Variants in ACOX1 observed in about 807,000 individuals in gnomAD.
ACOX1 encodes the protein peroxisomal acyl-coenzyme A oxidase 1.
A neutral mutation model predicts 75.5 loss-of-function variants in ACOX1; 41 were observed. That is an observed-to-expected ratio of 0.54 (90% CI 0.42 to 0.70). ACOX1 has a LOEUF of 0.70. Ranked by LOEUF, ACOX1 falls within the 30% of genes least tolerant of loss-of-function variation. The probability of loss-of-function intolerance (pLI) is 0.00; values close to 1 mark genes in which losing one functional copy is unlikely to be tolerated. For synonymous variants in ACOX1, 303 were observed against 298.8 expected (o/e 1.01, Z -0.15); for missense variants, 630 against 837.5 (o/e 0.75, Z 3.06).
chr17:75,953,477 C>A lies in ACOX1; in HGVS notation c.918G>T (p.Val306=). ...ACTIAIRYSA[V]RHQSEIKPGE... is the part of the protein sequence containing the mutation. ...CTGGCTTGATTTCAGACTGGTGCCT[C>A]ACAGCGCTGTATCGGATGGCAATGG... is the stretch of plus-strand genomic sequence containing the variant. Residue 306 remains valine (V), a synonymous_variant, in exon 7 of 14, where the codon GTG becomes GTT. Transcript: ENST00000293217. The A allele has an allele frequency of 6.2e-7, 1 of 1,614,056 alleles. No homozygotes were observed. The highest frequency in any genetic ancestry group is 8.5e-7 in the Non-Finnish European group (1 of 1,179,970).
At chr17:75,966,718 TGAATCCA>T (rs1412603562) in intron 2 of ACOX1, among the ~76,000 whole-genome samples, 1 of 152,010 alleles carries the variant, frequency 6.6e-6, no homozygotes, top group African/African-American at 2.4e-5. Context: ...TAGAATCGCT[TGAATCCA>T]GGAGGCAGAG....
At chr17:75,973,593 G>A (rs1467564186) in intron 2 of ACOX1, 4 of 1,612,678 alleles carry the variant, frequency 2.5e-6, no homozygotes, top group Non-Finnish European at 8.5e-7. Flanking sequence ...GTCCTGAGGT[G>A]GGTTACCCAC....
rs1567871330 is a variant in ACOX1 at position 75,946,778 on chromosome 17, C to T, written c.1953G>A (p.Lys651=). The change falls in exon 14 of 14, where the codon AAG becomes AAA. Residue 651 remains lysine (K), a synonymous_variant. Transcript: ENST00000293217. The part of the protein sequence containing the change: ...LNKAEVHESY[K]HLKSLQSKL ...GCTTGGACTGCAGTGACTTCAGGTGCTTGTAAGATTCGTGGACCTGTGGGG... is the reference window on the plus strand; with the variant it reads ...GCTTGGACTGCAGTGACTTCAGGTGTTTGTAAGATTCGTGGACCTGTGGGG... 2 of 1,613,932 alleles carry T rather than the reference C, an allele frequency of 1.2e-6. No individual in the cohort carries two copies. Among genetic ancestry groups the T allele is most frequent in the Non-Finnish European group, 1.7e-6 (2 of 1,179,888 alleles).
At chr17:75,963,241 G>A (rs1305327563) in intron 2 of ACOX1, among the ~76,000 whole-genome samples, 1 of 152,036 alleles carries the variant, frequency 6.6e-6, no homozygotes, top group Admixed American at 6.6e-5. Context: ...TCACTATTTG[G>A]GCAATGGGTA....
rs533127739 is a variant in ACOX1, at chr17:75,946,781, G to A, written c.1950C>T (p.Tyr650=). ...PLNKAEVHES[Y]KHLKSLQSKL The stretch of plus-strand genomic sequence containing the variant: ...TGGACTGCAGTGACTTCAGGTGCTT[G>A]TAAGATTCGTGGACCTGTGGGGAAA... The change falls in exon 14 of 14, where the codon TAC becomes TAT. Residue 650 remains tyrosine, a synonymous_variant. Transcript: ENST00000293217. 1.2e-6 allele frequency: 2 copies of A among 1,613,874 alleles called. No individual in the cohort carries two copies. The highest frequency in any genetic ancestry group is 2.2e-5 in the East Asian group (1 of 44,878).
In ACOX1 at chr17:75,957,004, T is replaced by TAC. The variant is rs1320194480; in HGVS notation, c.538+454_538+455insGT. 6.1e-3 allele frequency among the ~76,000 whole-genome samples: 584 copies of TAC among 95,334 alleles called. 21 individuals are homozygous for TAC. The highest frequency in any genetic ancestry group is 8.3e-3 in the African/African-American group (207 of 24,918). 62.5% of individuals were successfully genotyped at this position (95,334 alleles called of 152,430 possible). A position where few individuals can be genotyped will look rare whatever the true frequency, so the allele number is the denominator to read the frequency against. ...ATATATATATATATATATATATATA[T>TAC]ATATACACACACACACCTCTCTCTG... On this transcript the variant is annotated intron_variant, in intron 4 of 13. Transcript: ENST00000293217.
chr17:75,951,665 A>G, intron 7 of ACOX1, 88 bp from the exon 8 acceptor site: 1 of 1,348,572 alleles, frequency 7.4e-7, no homozygotes, highest in Non-Finnish European at 1.1e-6. Context: ...AGCACTTGGT[A>G]TTTTAACTTA....
intron 2 of ACOX1, among the ~76,000 whole-genome samples, chr17:75,964,802 A>T (rs925373239): frequency 6.6e-6 from 1 of 152,196 alleles, no homozygotes; most frequent in Admixed American, 6.6e-5. Flanking sequence ...GAAGGGCTAG[A>T]GTCAGCTCTT....
At chr17:75,962,819 T>C (rs1241528174) in intron 2 of ACOX1, among the ~76,000 whole-genome samples, 4 of 152,046 alleles carry the variant, frequency 2.6e-5, no homozygotes, top group East Asian at 1.9e-4. Context: ...GGGTAAAACA[T>C]GGACATGCAG....
chr17:75,947,249 T>TG (rs66681465), intron 13 of ACOX1, among the ~76,000 whole-genome samples: 1 of 52,572 alleles, frequency 1.9e-5, no homozygotes, highest in African/African-American at 1.8e-4. Context: ...GATGTCTTAG[T>TG]TTTTTTTTTT....
At position 75,956,989 on chromosome 17, in the gene ACOX1, A is replaced by C. The variant is rs1318293995; in HGVS notation, c.538+470T>G. On this transcript the variant is annotated intron_variant, in intron 4 of 13. Coordinates refer to ENST00000293217, the MANE Select transcript of ACOX1 (RefSeq NM_004035.7). ...TCTCTCTCTATATATATATATATAT[A>C]TATATATATATATATATATACACAC... 3.2e-4 allele frequency among the ~76,000 whole-genome samples: 31 copies of C among 97,848 alleles called. No homozygotes were observed. The East Asian group carries it at 4.1e-3, about 13-fold the overall frequency. The allele number at this position is 97,848 out of a possible 152,430, so 64.2% of individuals were successfully genotyped here.
At chr17:75,957,594 G>GT in intron 3 of ACOX1, 28 bp from the exon 4 acceptor site, 1 of 1,568,094 alleles carries the variant, frequency 6.4e-7, no homozygotes, top group Admixed American at 1.7e-5. Flanking sequence ...ATTGACTTCA[G>GT]TTAAGAGATG....
chr17:75,956,775 T>C (rs916046721), intron 4 of ACOX1, among the ~76,000 whole-genome samples: 2 of 150,348 alleles, frequency 1.3e-5, no homozygotes, highest in Non-Finnish European at 3.0e-5. Context: ...TCACCCAGGC[T>C]GGAGTGCAGT....
Position 75,942,093 on chromosome 17 carries a change from TGAACCATAGGAA to T in ACOX1, c.*4643_*4654del, listed in dbSNP as rs1289058794. ...TTATATGTTTCTGTGTTTACTATCA[TGAACCATAGGAA>T]GAAGTACTGGAAAATTTAGTAAGTG... is the stretch of plus-strand genomic sequence containing the variant. On this transcript the variant is annotated 3_prime_UTR_variant, in exon 14 of 14. Transcript: ENST00000293217. 6.6e-6 allele frequency: 1 copy of T among 152,174 alleles called. No individual in the cohort carries two copies. Among genetic ancestry groups the T allele is most frequent in the Non-Finnish European group, 1.5e-5 (1 of 68,034 alleles). 9.4% of individuals were successfully genotyped at this position (152,174 alleles called of 1,614,324 possible). A position where few individuals can be genotyped will look rare whatever the true frequency, so the allele number is the denominator to read the frequency against.
intron 7 of ACOX1, among the ~76,000 whole-genome samples, chr17:75,952,383 T>C (rs2065782415): frequency 6.6e-6 from 1 of 151,642 alleles, no homozygotes; most frequent in African/African-American, 2.4e-5. Flanking sequence ...CAACCTCCAC[T>C]TCCTGGGTTC....
Position 75,950,120 on chromosome 17 carries a change from T to C in ACOX1, c.1299-223A>G, listed in dbSNP as rs1267827831. ...CACCATTCCTGGCTAATTTTTAATATTTTGTTTTTTTAGTAGAGACAGGGT... is the reference window on the plus strand; with the variant it reads ...CACCATTCCTGGCTAATTTTTAATACTTTGTTTTTTTAGTAGAGACAGGGT... On this transcript the variant is annotated intron_variant, in intron 9 of 13. Transcript: ENST00000293217. This position sits in a 1 kb window ranked among gnomAD's most constrained non-coding sequence, Gnocchi z 4.3. 6.6e-6 allele frequency among the ~76,000 whole-genome samples: 1 copy of C among 151,508 alleles called. No individual in the cohort carries two copies. Among genetic ancestry groups the C allele is most frequent in the African/African-American group, 2.4e-5 (1 of 41,192 alleles).
chr17:75,967,599 A>AAT (rs753197282), intron 2 of ACOX1, among the ~76,000 whole-genome samples: 3,101 of 142,166 alleles, frequency 0.022, 72 homozygotes, highest in Non-Finnish European at 0.035. Context: ...AAAAAATCGA[A>AAT]ATATATATAT....
chr17:75,958,795 A>G (rs544753225), intron 3 of ACOX1, among the ~76,000 whole-genome samples: 2,966 of 144,816 alleles, frequency 0.02, 96 homozygotes, highest in African/African-American at 0.073. Context: ...GCGACAGAGC[A>G]CGACTCCGTC....
chr17:75,965,475 A>T (rs2065923579), intron 2 of ACOX1, among the ~76,000 whole-genome samples: 1 of 152,036 alleles, frequency 6.6e-6, no homozygotes, highest in South Asian at 2.1e-4. Flanking sequence ...TTCCAGATAG[A>T]GAAGGAGAAA....
Sources: allele counts gnomAD v4.1 joint callset (sites outside exome capture counted in the v4.1 genomes callset), GRCh38; gene constraint gnomAD v4.1.1; non-coding constraint Gnocchi (gnomAD v3.1); transcripts MANE v1.5; gene names NCBI Gene and HGNC (gene_info 2026-07-23, HGNC 2026-07-21).